The following ROBO2 variants were observed in gnomAD, a reference collection of about 807,000 sequenced individuals.
ROBO2 encodes the protein roundabout guidance receptor 2.
Under a neutral mutation model 160.8 loss-of-function variants are expected in ROBO2, and 53 were observed. The observed-to-expected ratio is 0.33, with a 90% CI of 0.26 to 0.41. The LOEUF (loss-of-function observed/expected upper bound fraction) is 0.41. ROBO2 is among the 10% of genes least tolerant of loss of function. ROBO2 has a pLI of 1.00. For missense variants in ROBO2, 1,577 were observed against 1,722.4 expected, an observed-to-expected ratio of 0.92 and a Z score of 1.49; for synonymous variants, 664 against 611.7, an observed-to-expected ratio of 1.09 and a Z score of -1.26.
intron 1 of ROBO2, among the ~76,000 whole-genome samples, chr3:77,071,293 T>TA (rs1159878769): frequency 1.3e-5 from 2 of 152,172 alleles, no homozygotes; most frequent in African/African-American, 4.8e-5. Context: ...CCGGAAAACT[T>TA]ACATTTTAGA....
intron 2 of ROBO2, among the ~76,000 whole-genome samples, chr3:76,954,479 G>A (rs536064095): frequency 1.1e-3 from 174 of 152,074 alleles, no homozygotes; most frequent in Non-Finnish European, 2.1e-3. Context: ...TATATTTCTC[G>A]CATTACTTCT....
chr3:76,491,792 A>G (rs2079839286), intron 2 of ROBO2, among the ~76,000 whole-genome samples: 1 of 152,006 alleles, frequency 6.6e-6, no homozygotes, highest in Admixed American at 6.6e-5. Flanking sequence ...GTGGGACTGG[A>G]GACTGGTAAT....
chr3:76,354,103 A>G (rs2075028174), intron 2 of ROBO2, among the ~76,000 whole-genome samples: 1 of 151,948 alleles, frequency 6.6e-6, no homozygotes, highest in Non-Finnish European at 1.5e-5. Flanking sequence ...CATACTCCCA[A>G]TTCAAGGCAT....
chr3:75,986,852 G>C (rs1201705177), intron 2 of ROBO2, among the ~76,000 whole-genome samples: 1 of 150,554 alleles, frequency 6.6e-6, no homozygotes, highest in Non-Finnish European at 1.5e-5. Context: ...CAATGGTCTT[G>C]GACCCATGGT....
intron 2 of ROBO2, among the ~76,000 whole-genome samples, chr3:77,099,643 G>C (rs1055239352): frequency 2.6e-5 from 4 of 152,042 alleles, no homozygotes; most frequent in African/African-American, 7.2e-5. Context: ...ATCCATACCT[G>C]TTCCATTTTT....
chr3:76,633,398 T>C (rs145871738), intron 2 of ROBO2, among the ~76,000 whole-genome samples: 1 of 152,192 alleles, frequency 6.6e-6, no homozygotes, highest in Admixed American at 6.5e-5. Flanking sequence ...GAGTCACTTT[T>C]ATTTTGGGGT....
At chr3:76,179,107 C>A (rs915816541) in intron 2 of ROBO2, among the ~76,000 whole-genome samples, 9 of 151,988 alleles carry the variant, frequency 5.9e-5, no homozygotes, top group African/African-American at 1.7e-4. Context: ...TAACTTAGAG[C>A]AGCTCATTCG....
chr3:76,865,302 A>C (rs1485864169), intron 2 of ROBO2, among the ~76,000 whole-genome samples: 1 of 152,174 alleles, frequency 6.6e-6, no homozygotes, highest in Non-Finnish European at 1.5e-5. Context: ...TAGAAAAATA[A>C]AATGAAAAGA....
chr3:77,248,961 T>A (rs149201536), intron 2 of ROBO2, among the ~76,000 whole-genome samples: 2,109 of 152,198 alleles, frequency 0.014, 60 homozygotes, highest in African/African-American at 0.048. Flanking sequence ...CACTGCAACC[T>A]CCACCGCCCG....
At chr3:75,919,506 T>A (rs577968035) in intron 1 of ROBO2, among the ~76,000 whole-genome samples, 2 of 152,196 alleles carry the variant, frequency 1.3e-5, no homozygotes, top group Admixed American at 6.5e-5. Flanking sequence ...TCTTTTTTTA[T>A]TGGGTCTTTG....
intron 2 of ROBO2, among the ~76,000 whole-genome samples, chr3:76,422,455 G>A (rs189817712): frequency 3.9e-5 from 6 of 152,296 alleles, no homozygotes; most frequent in African/African-American, 1.4e-4. Context: ...GGTTGCTAGA[G>A]TTCTATATTA....
chr3:77,386,917 A>G (rs1382877888), intron 2 of ROBO2, among the ~76,000 whole-genome samples: 5 of 151,892 alleles, frequency 3.3e-5, no homozygotes, highest in Non-Finnish European at 7.4e-5. Flanking sequence ...ATTTTTTTAT[A>G]AATTAGTTCT....
At chr3:76,590,173 G>C (rs2086324205) in intron 2 of ROBO2, among the ~76,000 whole-genome samples, 1 of 152,080 alleles carries the variant, frequency 6.6e-6, no homozygotes. Context: ...AAATTCTAAA[G>C]AGTACATTTT....
At chr3:77,210,366 A>G (rs1311423695) in intron 2 of ROBO2, among the ~76,000 whole-genome samples, 2 of 152,140 alleles carry the variant, frequency 1.3e-5, no homozygotes, top group African/African-American at 4.8e-5. Context: ...TTAAAACATT[A>G]CAAATATCTA....
intron 2 of ROBO2, among the ~76,000 whole-genome samples, chr3:76,389,309 C>T (rs1429172411): frequency 6.6e-6 from 1 of 152,190 alleles, no homozygotes; most frequent in African/African-American, 2.4e-5. Context: ...TATCCACTAT[C>T]ACACAATAAC....
intron 2 of ROBO2, chr3:77,317,516 C>T: frequency 6.9e-7 from 1 of 1,442,808 alleles, no homozygotes; most frequent in Non-Finnish European, 9.6e-7. Flanking sequence ...ATTTCGTTTT[C>T]AAATCAAGCT....
At chr3:75,977,993 G>A (rs1314140981) in intron 2 of ROBO2, among the ~76,000 whole-genome samples, 1 of 151,438 alleles carries the variant, frequency 6.6e-6, no homozygotes. Flanking sequence ...AGTTAAATTA[G>A]CAAGAAGTAA....
rs1338575220 is a variant in ROBO2 at position 76,326,788 on chromosome 3, GTCCCCAGAGCGTGATGT to G, written c.109+389192_109+389208del. ...TCCCCCCTCCCCCCACCCCACAGCA[GTCCCCAGAGCGTGATGT>G]TCCCCTTCCTGTGTCCATGTGATCT... On this transcript the variant is annotated intron_variant, in intron 2 of 26. Transcript: ENST00000487694. 4.6e-5 allele frequency among the ~76,000 whole-genome samples: 4 copies of G among 86,620 alleles called. 1 individual carries two copies. Among genetic ancestry groups the G allele is most frequent in the Non-Finnish European group, 8.2e-5 (4 of 48,576 alleles). The allele number at this position is 86,620 out of a possible 152,430, so 56.8% of individuals were successfully genotyped here.
At chr3:76,236,152 A>T (rs1704930657) in intron 2 of ROBO2, among the ~76,000 whole-genome samples, 1 of 152,012 alleles carries the variant, frequency 6.6e-6, no homozygotes, top group Non-Finnish European at 1.5e-5. Flanking sequence ...CAATTATTTA[A>T]TTTTATTTGC....
Sources: gnomAD v4.1 joint callset for allele counts (sites outside exome capture counted in the v4.1 genomes callset) on GRCh38, gnomAD v4.1.1 for gene constraint, MANE v1.5 for transcripts, NCBI Gene and HGNC (gene_info 2026-07-23, HGNC 2026-07-21) for gene names.